Variants in ANKRD16 observed in about 807,000 individuals in gnomAD.
ANKRD16 encodes the protein ankyrin repeat domain-containing protein 16.
In ANKRD16, 35 loss-of-function variants were observed where a neutral mutation model predicts 37.9. The ratio of observed to expected loss-of-function variants is 0.92; its 90% confidence interval spans 0.71 to 1.23. ANKRD16 has a LOEUF of 1.23. ANKRD16 is among the 50% of genes most tolerant of loss of function. The pLI is 0.00. For missense variants in ANKRD16, 480 were observed against 469.9 expected, an observed-to-expected ratio of 1.02 and a Z score of -0.20; for synonymous variants, 206 against 197.2, an observed-to-expected ratio of 1.04 and a Z score of -0.37.
chr10:5,883,904 G>A, intron 4 of ANKRD16, 65 bp downstream of exon 4: 1 of 1,435,154 alleles, frequency 7.0e-7, no homozygotes, highest in South Asian at 1.2e-5. Flanking sequence ...AATGTGCTCT[G>A]CTTAACCTGT....
chr10:5,877,490 C>T (rs1345112437), intron 7 of ANKRD16, among the ~76,000 whole-genome samples: 2 of 152,188 alleles, frequency 1.3e-5, no homozygotes, highest in African/African-American at 4.8e-5. Flanking sequence ...AAACAAAAAC[C>T]CTCAAGATTA....
Position 5,866,349 on chromosome 10 carries a change from G to C in ANKRD16, c.*34-3658C>G, listed in dbSNP as rs562768059. On this transcript the variant is annotated intron_variant, in intron 7 of 7. Transcript: ENST00000380094. The surrounding 1 kb of genome is among the most constrained non-coding windows in gnomAD (Gnocchi z 4.3). ...TCCTGACCTTAATCTATATACTGAT[G>C]AAAGTTCATTTGTGGTGGAGAATTG... Among the ~76,000 whole-genome samples, 3 of 152,326 alleles carry C rather than the reference G, an allele frequency of 2.0e-5. No individual in the cohort carries two copies. The South Asian group carries it at 6.2e-4, about 32-fold the overall frequency.
rs1312250247 is a variant in ANKRD16, at chr10:5,865,091, G to A, written c.*34-2400C>T. Among the ~76,000 whole-genome samples, 7 of 152,152 alleles carry A rather than the reference G, an allele frequency of 4.6e-5. No homozygotes were observed. The highest frequency in any genetic ancestry group is 7.4e-5 in the Non-Finnish European group (5 of 68,020). ...AAGAGGAACAGGCTGAAAAGGAAAC[G>A]TTAGATCAGAGAAAGGCTGCAGCCT... On this transcript the variant is annotated intron_variant, in intron 7 of 7. Coordinates refer to ENST00000380094, the MANE Select transcript of ANKRD16 (RefSeq NM_019046.3). This position sits in a 1 kb window ranked among gnomAD's most constrained non-coding sequence, Gnocchi z 4.7.
intron 3 of ANKRD16, among the ~76,000 whole-genome samples, chr10:5,885,475 C>T (rs1424461731): frequency 3.3e-5 from 5 of 152,046 alleles, no homozygotes; most frequent in African/African-American, 9.7e-5. Context: ...AGCCACCGAG[C>T]ACTAAATGAA....
chr10:5,880,399 T>C (rs1002255675), intron 5 of ANKRD16, 23 bp from the exon 6 acceptor site: 3 of 1,505,378 alleles, frequency 2.0e-6, no homozygotes, highest in Non-Finnish European at 2.7e-6. Context: ...AAATTTGTTA[T>C]CACTGTGATG....
At chr10:5,867,209 C>G (rs1305945257) in intron 7 of ANKRD16, among the ~76,000 whole-genome samples, 1 of 152,206 alleles carries the variant, frequency 6.6e-6, no homozygotes, top group African/African-American at 2.4e-5. Flanking sequence ...AAATCCTTAA[C>G]CCAGCAGGTT....
chr10:5,885,664 A>G lies in ANKRD16; in HGVS notation c.578+59T>C, dbSNP rs535717740. On this transcript the variant is annotated intron_variant, in intron 3 of 7. Transcript: ENST00000380094. The stretch of plus-strand genomic sequence containing the variant: ...TGTCTGAGCTCTTTATGTAGCACTG[A>G]TATCAACTCTTTGTCATAGTTAGCA... The G allele has an allele frequency of 3.1e-6, 5 of 1,588,416 alleles. No homozygotes were observed. The East Asian group carries it at 1.1e-4, about 36-fold the overall frequency.
intron 1 of ANKRD16, 50 bp downstream of exon 1, chr10:5,888,991 C>G (rs764090079): frequency 6.8e-7 from 1 of 1,466,682 alleles, no homozygotes; most frequent in Non-Finnish European, 9.0e-7. Context: ...GAACTCGCTA[C>G]GACTCTGCGA....
Position 5,889,359 on chromosome 10 carries a change from G to A in ANKRD16, c.-5C>T. 1 of 1,219,844 alleles carries A rather than the reference G, an allele frequency of 8.2e-7. No homozygotes were observed. The highest frequency in any genetic ancestry group is 1.0e-6 in the Non-Finnish European group (1 of 982,274). 75.6% of individuals were successfully genotyped at this position (1,219,844 alleles called of 1,614,324 possible). A position where few individuals can be genotyped will look rare whatever the true frequency, so the allele number is the denominator to read the frequency against. On this transcript the variant is annotated 5_prime_UTR_variant, in exon 1 of 8. Coordinates refer to ENST00000380094, the MANE Select transcript of ANKRD16 (RefSeq NM_019046.3). ...CGGGTCCCCGGGCTGGGCCATCGCC[G>A]CGGGTCGGGCCGGGCTGCGCGGGGA...
At position 5,889,827 on chromosome 10, in the gene ANKRD16, CAGGGTGGCTCCT is replaced by C. The variant is rs1298280511; in HGVS notation, c.-485_-474del. On this transcript the variant is annotated 5_prime_UTR_variant, in exon 1 of 8. Coordinates refer to ENST00000380094, the MANE Select transcript of ANKRD16 (RefSeq NM_019046.3). ...GCGCACAGCCTCGCCCGGCGCCGTG[CAGGGTGGCTCCT>C]GAGGCAGCCAGGCCCAAGCGTGACC... 3 of 156,758 alleles carry C rather than the reference CAGGGTGGCTCCT, an allele frequency of 1.9e-5. No individual in the cohort carries two copies. Among genetic ancestry groups the C allele is most frequent in the African/African-American group, 7.2e-5 (3 of 41,732 alleles). 9.7% of individuals were successfully genotyped at this position (156,758 alleles called of 1,614,324 possible).
Position 5,889,076 on chromosome 10 carries a change from C to A in ANKRD16, c.279G>T (p.Arg93=). 1 of 1,565,270 alleles carries A rather than the reference C, an allele frequency of 6.4e-7. No individual in the cohort carries two copies. Residue 93 remains arginine (R), a synonymous_variant, in exon 1 of 8, where the codon CGG becomes CGT. Coordinates refer to ENST00000380094, the MANE Select transcript of ANKRD16 (RefSeq NM_019046.3). ...TCTTCAGGCAGTCGACCGCTGCCCC[C>A]CGGCCCAGCAGGTAGCGCACGCAGT... ...HRDCVRYLLG[R]GAAVDCLKKA... is the part of the protein sequence containing the mutation.
intron 7 of ANKRD16, among the ~76,000 whole-genome samples, chr10:5,876,554 C>A (rs1438366818): frequency 6.6e-6 from 1 of 152,202 alleles, no homozygotes; most frequent in African/African-American, 2.4e-5. Flanking sequence ...GTGGTAACTA[C>A]ATCTCAAATC....
At position 5,889,520 on chromosome 10, in the gene ANKRD16, C is replaced by T. The variant is rs918478803; in HGVS notation, c.-166G>A. On this transcript the variant is annotated 5_prime_UTR_variant, in exon 1 of 8. Coordinates refer to ENST00000380094, the MANE Select transcript of ANKRD16 (RefSeq NM_019046.3). ...CTCACGCCCCCGGCTTTGTCCCCGG[C>T]AGAGCCGCCTCCTCAAACCCCCGGC... 2.1e-5 allele frequency: 8 copies of T among 381,234 alleles called. No homozygotes were observed. The highest frequency in any genetic ancestry group is 1.7e-4 in the African/African-American group (8 of 46,458). 23.6% of individuals were successfully genotyped at this position (381,234 alleles called of 1,614,324 possible).
chr10:5,872,723 A>C (rs1055032974), intron 7 of ANKRD16, among the ~76,000 whole-genome samples: 27 of 150,904 alleles, frequency 1.8e-4, no homozygotes, highest in Non-Finnish European at 3.4e-4. Context: ...CACCCGGCTA[A>C]TTTTTTGTAT....
At chr10:5,880,634 C>CGGCG (rs1564417593) in intron 5 of ANKRD16, among the ~76,000 whole-genome samples, 1 of 150,484 alleles carries the variant, frequency 6.6e-6, no homozygotes, top group African/African-American at 2.5e-5. Flanking sequence ...ATAAAAGGAG[C>CGGCG]AGGGGGGGGA....
chr10:5,879,216 G>A (rs1193915608), intron 6 of ANKRD16, among the ~76,000 whole-genome samples: 1 of 152,202 alleles, frequency 6.6e-6, no homozygotes, highest in East Asian at 1.9e-4. Context: ...GCTCATGCCT[G>A]TAATCCCTGC....
rs779444845 is a variant in ANKRD16, at chr10:5,874,601, T to A, written c.*33+3496A>T. ...CTGACCCCCAGCTTTCCAACACAGG[T>A]TGGGTGAGCTGTGATGCCACCAACC... On this transcript the variant is annotated intron_variant, in intron 7 of 7. Transcript: ENST00000380094. This position sits in a 1 kb window ranked among gnomAD's most constrained non-coding sequence, Gnocchi z 4.7. Among the ~76,000 whole-genome samples, 1 of 152,032 alleles carries A rather than the reference T, an allele frequency of 6.6e-6. No individual in the cohort carries two copies. The highest frequency in any genetic ancestry group is 2.4e-5 in the African/African-American group (1 of 41,374).
rs149264004 is a variant in ANKRD16, at chr10:5,863,552, G to A, written c.*34-861C>T. Among the ~76,000 whole-genome samples the A allele has an allele frequency of 5.0e-3, 768 of 152,210 alleles. 6 individuals carry two copies. The highest frequency in any genetic ancestry group is 0.013 in the African/African-American group (553 of 41,520). On this transcript the variant is annotated intron_variant, in intron 7 of 7. Coordinates refer to ENST00000380094, the MANE Select transcript of ANKRD16 (RefSeq NM_019046.3). This position sits in a 1 kb window ranked among gnomAD's most constrained non-coding sequence, Gnocchi z 4.7. ...TGTAAAATGGACCAATCAGCAGGAC[G>A]TGGGCGGGGACAAATAAGAGAATAA...
rs548328283 is a variant in ANKRD16 at position 5,882,993 on chromosome 10, A to C, written c.849+13T>G. On this transcript the variant is annotated intron_variant, in intron 5 of 7. Transcript: ENST00000380094. ...TCAGGGAAGCTCGGACAACGTTATA[A>C]GAAGTAACAAACCTTAGCTGCATAA... 1.8e-5 allele frequency: 29 copies of C among 1,611,734 alleles called. 1 individual carries two copies. In the South Asian group the frequency reaches 2.7e-4, roughly 15 times the overall value.
Sources: gnomAD v4.1 joint callset for allele counts (sites outside exome capture counted in the v4.1 genomes callset) on GRCh38, gnomAD v4.1.1 for gene constraint, Gnocchi (gnomAD v3.1) non-coding constraint, MANE v1.5 for transcripts, NCBI Gene and HGNC (gene_info 2026-07-23, HGNC 2026-07-21) for gene names.